Variants in PRH1 observed in about 807,000 individuals in gnomAD.
PRH1 encodes the protein proline rich protein HaeIII subfamily 1.
In PRH1, 7 loss-of-function variants were observed where a neutral mutation model predicts 7.9. That is an observed-to-expected ratio of 0.89 (90% CI 0.50 to 1.67). The LOEUF (loss-of-function observed/expected upper bound fraction) is 1.67, where lower values mean the gene tolerates loss of function less well. Ranked by LOEUF, PRH1 falls within the 40% of genes most tolerant of loss-of-function variation. The pLI is 0.00. For missense variants in PRH1, 109 were observed against 223.6 expected, an observed-to-expected ratio of 0.49 and a Z score of 3.27; for synonymous variants, 45 against 80.8, an observed-to-expected ratio of 0.56 and a Z score of 2.38.
chr12:11,109,033 G>A (rs915947223), intron 1 of PRH1, among the ~76,000 whole-genome samples: 3 of 152,252 alleles, frequency 2.0e-5, no homozygotes, highest in South Asian at 2.1e-4. Context: ...TTCCCCTTAC[G>A]GTGTAAACAA....
chr12:11,048,761 T>A (rs1208495095), upstream of PRH1: 1 of 318,872 alleles, frequency 3.1e-6, no homozygotes, highest in Non-Finnish European at 6.2e-6. Context: ...CTCAATTTGA[T>A]CATCCAAGAC....
intron 1 of PRH1, among the ~76,000 whole-genome samples, chr12:11,153,408 A>C (rs570647537): frequency 1.5e-4 from 23 of 152,328 alleles, no homozygotes; most frequent in Non-Finnish European, 2.5e-4. Flanking sequence ...TTACAACTTC[A>C]CAACTTCCTG....
At chr12:11,107,073 G>A (rs889833990) in intron 1 of PRH1, among the ~76,000 whole-genome samples, 1 of 152,088 alleles carries the variant, frequency 6.6e-6, no homozygotes, top group African/African-American at 2.4e-5. Context: ...GCAATGGCTT[G>A]ATCACAGCTC....
At chr12:10,994,656 A>G (rs1257266197) in intron 1 of PRH1, among the ~76,000 whole-genome samples, 1 of 151,592 alleles carries the variant, frequency 6.6e-6, no homozygotes, top group Non-Finnish European at 1.5e-5. Flanking sequence ...TAGACCCCTG[A>G]TAAGATATTC....
intron 1 of PRH1, among the ~76,000 whole-genome samples, chr12:10,978,502 G>T (rs1939209454): frequency 6.6e-6 from 1 of 152,186 alleles, no homozygotes; most frequent in South Asian, 2.1e-4. Flanking sequence ...TACCTTTCTG[G>T]ACATAGGACC....
chr12:11,009,068 T>C (rs545316980), intron 1 of PRH1, among the ~76,000 whole-genome samples: 13 of 152,128 alleles, frequency 8.5e-5, no homozygotes, highest in African/African-American at 3.1e-4. Context: ...CATTCACTTA[T>C]AATTATGTAC....
At chr12:11,086,604 T>G (rs1436646169) in intron 1 of PRH1, among the ~76,000 whole-genome samples, 2 of 151,396 alleles carry the variant, frequency 1.3e-5, no homozygotes, top group East Asian at 3.8e-4. Context: ...CCTGCCTCAG[T>G]ATAATTACCT....
intron 1 of PRH1, among the ~76,000 whole-genome samples, chr12:11,131,778 G>A (rs1240632228): frequency 6.6e-6 from 1 of 152,260 alleles, no homozygotes; most frequent in Non-Finnish European, 1.5e-5. Flanking sequence ...GGATAAGCCT[G>A]TAATCTTAAC....
chr12:11,013,519 C>A (rs1941154115), intron 1 of PRH1, among the ~76,000 whole-genome samples: 1 of 152,126 alleles, frequency 6.6e-6, no homozygotes, highest in Non-Finnish European at 1.5e-5. Context: ...AACATACTAA[C>A]TGTACAATTG....
chr12:10,920,675 G>A (rs1447568753), intron 2 of PRH1, among the ~76,000 whole-genome samples: 1 of 151,886 alleles, frequency 6.6e-6, no homozygotes, highest in Non-Finnish European at 1.5e-5. Context: ...AATTATCTAG[G>A]TGGAATTACT....
intron 1 of PRH1, among the ~76,000 whole-genome samples, chr12:11,075,726 T>C (rs1484270885): frequency 7.5e-6 from 1 of 133,854 alleles, no homozygotes; most frequent in Non-Finnish European, 1.7e-5. Flanking sequence ...TCCCCTAGAA[T>C]TGGGGAATAG....
At chr12:10,984,658 G>A (rs1939517449) in intron 1 of PRH1, among the ~76,000 whole-genome samples, 1 of 151,968 alleles carries the variant, frequency 6.6e-6, no homozygotes. Context: ...TAAATCAGAT[G>A]TAGAGATGAT....
chr12:11,061,230 T>C (rs776427079), intron 1 of PRH1: 3 of 1,321,704 alleles, frequency 2.3e-6, no homozygotes, highest in Non-Finnish European at 3.1e-6. Flanking sequence ...TAACGTTAGG[T>C]AAAAGACTTT....
chr12:11,112,631 C>G (rs187057994), intron 1 of PRH1, among the ~76,000 whole-genome samples: 23 of 152,234 alleles, frequency 1.5e-4, no homozygotes, highest in Non-Finnish European at 3.2e-4. Context: ...ACTCAAGAAA[C>G]TAGGTACTGA....
chr12:11,128,431 A>G (rs1035794816), intron 1 of PRH1, among the ~76,000 whole-genome samples: 15 of 152,080 alleles, frequency 9.9e-5, no homozygotes, highest in African/African-American at 3.4e-4. Context: ...CCATTTTCCA[A>G]CTACTCCTGC....
chr12:11,048,756 T>C (rs1248813876), upstream of PRH1: 2 of 340,738 alleles, frequency 5.9e-6, no homozygotes, highest in Non-Finnish European at 1.2e-5. Context: ...CATTCCTCAA[T>C]TTGATCATCC....
chr12:11,118,137 G>A (rs1389982226), downstream of PRH1, among the ~76,000 whole-genome samples: 1 of 152,122 alleles, frequency 6.6e-6, no homozygotes, highest in Admixed American at 6.6e-5. Context: ...ACAATCCACA[G>A]AATAGGAGAA....
chr12:10,982,845 C>T (rs1235988629), intron 1 of PRH1, among the ~76,000 whole-genome samples: 1 of 148,522 alleles, frequency 6.7e-6, no homozygotes, highest in Non-Finnish European at 1.5e-5. Context: ...ATCCTTTTTA[C>T]AGTAAATGGC....
intron 1 of PRH1, chr12:11,061,990 A>T: frequency 3.7e-6 from 6 of 1,613,946 alleles, no homozygotes; most frequent in Non-Finnish European, 5.1e-6. Flanking sequence ...AAATATGCTG[A>T]GGCTAGTAGC....
Sources: allele counts gnomAD v4.1 joint callset (sites outside exome capture counted in the v4.1 genomes callset), GRCh38; gene constraint gnomAD v4.1.1; transcripts MANE v1.5; gene names NCBI Gene and HGNC (gene_info 2026-07-23, HGNC 2026-07-21).